GRID2: variants seen among roughly 807,000 people sequenced by gnomAD.
The protein encoded by GRID2 is glutamate receptor ionotropic, delta-2.
A neutral mutation model predicts 114.8 loss-of-function variants in GRID2; 33 were observed. The observed-to-expected ratio is 0.29, with a 90% CI of 0.22 to 0.38. The LOEUF (loss-of-function observed/expected upper bound fraction) is 0.38, where lower values mean the gene tolerates loss of function less well. GRID2 is among the 10% of genes least tolerant of loss of function. The pLI is 1.00. For synonymous variants in GRID2, 505 were observed against 449.9 expected, an observed-to-expected ratio of 1.12 and a Z score of -1.55; for missense variants, 1,184 against 1,257.7, an observed-to-expected ratio of 0.94 and a Z score of 0.89.
chr4:92,531,179 G>C (rs986987720), intron 1 of GRID2, among the ~76,000 whole-genome samples: 1 of 151,904 alleles, frequency 6.6e-6, no homozygotes. Flanking sequence ...CTTAGTTTTC[G>C]GCATAGATAG....
At chr4:93,074,104 C>T (rs1415839614) in intron 2 of GRID2, among the ~76,000 whole-genome samples, 2 of 152,184 alleles carry the variant, frequency 1.3e-5, no homozygotes, top group African/African-American at 2.4e-5. Flanking sequence ...ATTCTAAATA[C>T]TACAAAGTAA....
At chr4:93,011,263 G>T (rs928621118) in intron 2 of GRID2, among the ~76,000 whole-genome samples, 36 of 151,706 alleles carry the variant, frequency 2.4e-4, no homozygotes, top group African/African-American at 8.7e-4. Context: ...TATTGCCAAT[G>T]ATTTTCTGTT....
At chr4:93,049,653 A>G (rs1281422218) in intron 2 of GRID2, among the ~76,000 whole-genome samples, 1 of 151,962 alleles carries the variant, frequency 6.6e-6, no homozygotes, top group Non-Finnish European at 1.5e-5. Context: ...GAAGTATATC[A>G]AGGGAACCCA....
chr4:92,653,027 T>C (rs933477460), intron 2 of GRID2, among the ~76,000 whole-genome samples: 16 of 146,652 alleles, frequency 1.1e-4, no homozygotes, highest in South Asian at 2.1e-4. Flanking sequence ...CTTTTTTTTT[T>C]CTAAGTTGGC....
chr4:92,628,483 C>T (rs977209328), intron 2 of GRID2, among the ~76,000 whole-genome samples: 3 of 151,982 alleles, frequency 2.0e-5, no homozygotes, highest in East Asian at 1.9e-4. Context: ...CTCAGCCTCC[C>T]GAGTAGCTGG....
At chr4:93,541,063 G>A (rs764572923) in intron 13 of GRID2, among the ~76,000 whole-genome samples, 32 of 152,044 alleles carry the variant, frequency 2.1e-4, no homozygotes, top group Non-Finnish European at 2.9e-4. Flanking sequence ...ATGACAGCCC[G>A]ACAGAATTTG....
At chr4:92,586,113 A>C (rs996278954) in intron 1 of GRID2, among the ~76,000 whole-genome samples, 22 of 151,874 alleles carry the variant, frequency 1.4e-4, no homozygotes, top group Non-Finnish European at 2.9e-5. Flanking sequence ...GTAAGTATAA[A>C]AATAGATTAT....
chr4:92,523,704 T>C (rs1724895688), intron 1 of GRID2, among the ~76,000 whole-genome samples: 1 of 152,010 alleles, frequency 6.6e-6, no homozygotes, highest in African/African-American at 2.4e-5. Context: ...ATAGTTGTGA[T>C]AGCAGGTTCA....
intron 1 of GRID2, among the ~76,000 whole-genome samples, chr4:92,361,186 T>C (rs1207504807): frequency 2.6e-5 from 4 of 151,936 alleles, no homozygotes; most frequent in Non-Finnish European, 5.9e-5. Context: ...CAAATGACCT[T>C]TCTAGGAGGC....
intron 8 of GRID2, among the ~76,000 whole-genome samples, chr4:93,321,646 C>T (rs1473692674): frequency 6.6e-6 from 1 of 151,984 alleles, no homozygotes; most frequent in African/African-American, 2.4e-5. Flanking sequence ...TTACCTCACA[C>T]AGTTGTCAGT....
intron 9 of GRID2, among the ~76,000 whole-genome samples, chr4:93,397,214 A>G (rs1355302452): frequency 6.6e-6 from 1 of 152,006 alleles, no homozygotes; most frequent in Non-Finnish European, 1.5e-5. Flanking sequence ...TTTGTGGCCC[A>G]TAAATTATTC....
intron 1 of GRID2, among the ~76,000 whole-genome samples, chr4:92,445,353 T>C (rs2149072880): frequency 6.6e-6 from 1 of 152,312 alleles, no homozygotes; most frequent in South Asian, 2.1e-4. Flanking sequence ...TCAAGTACCA[T>C]ATCAGCATAT....
intron 2 of GRID2, among the ~76,000 whole-genome samples, chr4:92,855,256 G>A (rs1560642283): frequency 1.3e-5 from 2 of 151,976 alleles, no homozygotes; most frequent in Admixed American, 6.6e-5. Flanking sequence ...TTCTACCTCT[G>A]TATGTCACTT....
chr4:92,952,147 G>A (rs1053426413), intron 2 of GRID2, among the ~76,000 whole-genome samples: 1 of 152,234 alleles, frequency 6.6e-6, no homozygotes, highest in East Asian at 1.9e-4. Flanking sequence ...GTACCAATGT[G>A]GACTTAGCCC....
intron 2 of GRID2, among the ~76,000 whole-genome samples, chr4:92,748,852 AG>A (rs1300785595): frequency 6.6e-6 from 1 of 151,214 alleles, no homozygotes; most frequent in South Asian, 2.1e-4. Context: ...TTACTAAAGA[AG>A]GGGTTTTGCC....
intron 2 of GRID2, among the ~76,000 whole-genome samples, chr4:92,941,028 T>G (rs1004276846): frequency 6.6e-6 from 1 of 152,202 alleles, no homozygotes; most frequent in African/African-American, 2.4e-5. Flanking sequence ...TTTAAAATTC[T>G]CTTTTATTGT....
At chr4:92,498,599 A>G (rs914040966) in intron 1 of GRID2, among the ~76,000 whole-genome samples, 1 of 151,970 alleles carries the variant, frequency 6.6e-6, no homozygotes, top group Non-Finnish European at 1.5e-5. Context: ...GATTTAAAAA[A>G]TTAACTTTCT....
At chr4:92,809,855 T>C (rs1169298090) in intron 2 of GRID2, among the ~76,000 whole-genome samples, 1 of 152,066 alleles carries the variant, frequency 6.6e-6, no homozygotes, top group Non-Finnish European at 1.5e-5. Flanking sequence ...GTTGTAAATA[T>C]ATCATAATAT....
chr4:93,173,710 A>T (rs1287915942), intron 4 of GRID2, among the ~76,000 whole-genome samples: 1 of 151,796 alleles, frequency 6.6e-6, no homozygotes, highest in Non-Finnish European at 1.5e-5. Context: ...GCTCACTGCA[A>T]CCTCCACCCC....
Sources: allele counts gnomAD v4.1 joint callset (sites outside exome capture counted in the v4.1 genomes callset), GRCh38; gene constraint gnomAD v4.1.1; transcripts MANE v1.5; gene names NCBI Gene and HGNC (gene_info 2026-07-23, HGNC 2026-07-21).